SLC15A4: variants seen among roughly 807,000 people sequenced by gnomAD.
The protein encoded by SLC15A4 is hPHT1.
A neutral mutation model predicts 46.1 loss-of-function variants in SLC15A4; 26 were observed. The observed-to-expected ratio is 0.56, with a 90% CI of 0.41 to 0.78. The LOEUF (loss-of-function observed/expected upper bound fraction) is 0.78. Ranked by LOEUF, SLC15A4 falls within the 30% of genes least tolerant of loss-of-function variation. The pLI is 0.00. For synonymous variants in SLC15A4, 370 were observed against 333.4 expected (o/e 1.11, Z -1.20); for missense variants, 751 against 755.7 (o/e 0.99, Z 0.07).
chr12:128,803,443 T>C (rs10773577), intron 5 of SLC15A4, among the ~76,000 whole-genome samples: 150,983 of 152,314 alleles, frequency 0.99, 74,846 homozygotes, highest in Middle Eastern at 1. Context: ...CACAGTAAGC[T>C]GGGGGGAGAA....
intron 4 of SLC15A4, 26 bp downstream of exon 4, chr12:128,809,370 G>C (rs1246015366): frequency 6.8e-7 from 1 of 1,461,252 alleles, no homozygotes; most frequent in Non-Finnish European, 9.5e-7. Context: ...AAATAACAAT[G>C]TTCAGATCAT....
chr12:128,798,344 C>A (rs1955472225), intron 7 of SLC15A4, among the ~76,000 whole-genome samples: 1 of 152,142 alleles, frequency 6.6e-6, no homozygotes, highest in South Asian at 2.1e-4. Context: ...CTGAGCTGGC[C>A]ATGGAGGTGG....
intron 1 of SLC15A4, among the ~76,000 whole-genome samples, chr12:128,817,464 G>A (rs950171163): frequency 1.3e-5 from 2 of 152,164 alleles, no homozygotes; most frequent in East Asian, 3.8e-4. Context: ...ACTTAATAGA[G>A]GCACAAATGA....
intron 2 of SLC15A4, chr12:128,810,498 G>A (rs1955643169): frequency 1.0e-5 from 2 of 200,720 alleles, no homozygotes; most frequent in South Asian, 1.7e-4. Flanking sequence ...TATGCCACTG[G>A]ATAGCATATG....
intron 7 of SLC15A4, 40 bp from the exon 8 acceptor site, chr12:128,794,396 G>A (rs1223930536): frequency 4.5e-6 from 7 of 1,566,156 alleles, no homozygotes; most frequent in Admixed American, 2.0e-5. Flanking sequence ...AAGCTGCGCT[G>A]CTACAGGTAT....
At chr12:128,799,177 T>C in intron 7 of SLC15A4, 82 bp downstream of exon 7, 1 of 1,527,366 alleles carries the variant, frequency 6.5e-7, no homozygotes, top group Non-Finnish European at 8.9e-7. Context: ...TGAAAACACC[T>C]CCGCTCACTC....
At chr12:128,818,231 A>T (rs946161413) in intron 1 of SLC15A4, among the ~76,000 whole-genome samples, 4 of 152,066 alleles carry the variant, frequency 2.6e-5, no homozygotes, top group African/African-American at 9.7e-5. Context: ...CATGATTTAC[A>T]CGAACATACG....
intron 1 of SLC15A4, among the ~76,000 whole-genome samples, chr12:128,822,816 G>A (rs1216428028): frequency 1.6e-4 from 24 of 152,118 alleles, no homozygotes; most frequent in African/African-American, 5.8e-4. Flanking sequence ...GATTACAGGC[G>A]TGAGCCACTG....
intron 1 of SLC15A4, among the ~76,000 whole-genome samples, chr12:128,816,694 C>T (rs1157358218): frequency 6.6e-6 from 1 of 152,002 alleles, no homozygotes; most frequent in Non-Finnish European, 1.5e-5. Flanking sequence ...CAGCCAGGTG[C>T]GGTGGTGTGC....
In SLC15A4 at chr12:128,823,587, G is replaced by A. The variant is rs894617926; in HGVS notation, c.357C>T (p.Ala119=). Residue 119 remains alanine, a synonymous_variant, in exon 1 of 8, where the codon GCC becomes GCT. Transcript: ENST00000266771. ...TGGCGGGCGCGGCCAGCAGCGGGAA[G>A]GCCAGCATGCCCAGCAGGTAGAGCG... The part of the protein sequence containing the change: ...SLALYLLGML[A]FPLLAAPATR... 2.1e-6 allele frequency: 3 copies of A among 1,452,264 alleles called. No homozygotes were observed. Among genetic ancestry groups the A allele is most frequent in the Non-Finnish European group, 2.7e-6 (3 of 1,109,428 alleles). 90.0% of individuals were successfully genotyped at this position (1,452,264 alleles called of 1,614,324 possible).
At chr12:128,795,086 T>C (rs1375160944) in intron 7 of SLC15A4, among the ~76,000 whole-genome samples, 1 of 152,144 alleles carries the variant, frequency 6.6e-6, no homozygotes, top group Non-Finnish European at 1.5e-5. Context: ...TGAGCGTCTT[T>C]GTAACTTGGC....
chr12:128,818,826 G>A (rs1244583475), intron 1 of SLC15A4, among the ~76,000 whole-genome samples: 4 of 152,066 alleles, frequency 2.6e-5, no homozygotes, highest in Admixed American at 1.3e-4. Context: ...CTGTGGACTC[G>A]CCTCTTCCGG....
At chr12:128,807,527 G>C (rs1955604457) in intron 5 of SLC15A4, among the ~76,000 whole-genome samples, 1 of 152,200 alleles carries the variant, frequency 6.6e-6, no homozygotes, top group South Asian at 2.1e-4. Flanking sequence ...GCCCCGGGGG[G>C]AGAGAGAGGT....
chr12:128,823,378 CGCGCGGGG>C lies in SLC15A4; in HGVS notation c.546+12_546+19del. On this transcript the variant is annotated intron_variant, in intron 1 of 7. Coordinates refer to ENST00000266771, the MANE Select transcript of SLC15A4 (RefSeq NM_145648.4). ...AGGGGCTGGACAGGGACAGGGACAG[CGCGCGGGG>C]GCGCGGCTCACCTGGTCGGCGCCGA... The C allele has an allele frequency of 3.6e-6, 5 of 1,392,876 alleles. No individual in the cohort carries two copies. The highest frequency in any genetic ancestry group is 4.6e-6 in the Non-Finnish European group (5 of 1,079,532). The allele number at this position is 1,392,876 out of a possible 1,614,324, so 86.3% of individuals were successfully genotyped here.
intron 1 of SLC15A4, among the ~76,000 whole-genome samples, chr12:128,819,043 A>G (rs1955798091): frequency 6.6e-6 from 1 of 152,030 alleles, no homozygotes; most frequent in African/African-American, 2.4e-5. Context: ...AAATGTATAG[A>G]AAAGTTGAAT....
At position 128,810,123 on chromosome 12, in the gene SLC15A4, A is replaced by C; in HGVS notation, c.843-12T>G. 1 of 1,608,224 alleles carries C rather than the reference A, an allele frequency of 6.2e-7. No individual in the cohort carries two copies. The highest frequency in any genetic ancestry group is 8.5e-7 in the Non-Finnish European group (1 of 1,177,750). ...CTCCAATGCCTTCACTTTGGGAAAT[A>C]AAATGAAGGAATTAGTTTTCTTCCC... On this transcript the variant is annotated splice_polypyrimidine_tract_variant and intron_variant, in intron 2 of 7. Coordinates refer to ENST00000266771, the MANE Select transcript of SLC15A4 (RefSeq NM_145648.4).
rs1017328984 is a variant in SLC15A4 at position 128,823,568 on chromosome 12, G to A, written c.376C>T (p.Pro126Ser). Reference sequence around the variant, plus strand: ...CCGCAGAGCGCGGCTCGCGTGGCGGGCGCGGCCAGCAGCGGGAAGGCCAGC... The same window carrying A: ...CCGCAGAGCGCGGCTCGCGTGGCGGACGCGGCCAGCAGCGGGAAGGCCAGC... ...GMLAFPLLAA[P>S]ATRAALCGSA... Residue 126 changes from proline (P) to serine (S), a missense_variant, in exon 1 of 8, where the codon CCC (proline) becomes TCC (serine). Pro to Ser is a moderately conservative substitution (Grantham distance 74). Coordinates refer to ENST00000266771, the MANE Select transcript of SLC15A4 (RefSeq NM_145648.4). 3.5e-6 allele frequency: 5 copies of A among 1,441,994 alleles called. No individual in the cohort carries two copies. In the African/African-American group the frequency reaches 4.5e-5, roughly 13 times the overall value. The allele number at this position is 1,441,994 out of a possible 1,614,324, so 89.3% of individuals were successfully genotyped here. A position where few individuals can be genotyped will look rare whatever the true frequency, so the allele number is the denominator to read the frequency against.
intron 7 of SLC15A4, among the ~76,000 whole-genome samples, chr12:128,795,301 C>A (rs1406706110): frequency 6.6e-6 from 1 of 152,178 alleles, no homozygotes; most frequent in Non-Finnish European, 1.5e-5. Context: ...CTGACACAAG[C>A]AGATACCTCT....
chr12:128,794,141 C>T lies in SLC15A4; in HGVS notation c.*55G>A, dbSNP rs139448319. The T allele has an allele frequency of 2.0e-6, 3 of 1,524,398 alleles. No individual in the cohort carries two copies. Among genetic ancestry groups the T allele is most frequent in the Middle Eastern group, 1.7e-4 (1 of 5,742 alleles). 94.4% of individuals were successfully genotyped at this position (1,524,398 alleles called of 1,614,324 possible). On this transcript the variant is annotated 3_prime_UTR_variant, in exon 8 of 8. Transcript: ENST00000266771. ...TAAAGTCTTGCCTGTTCTCAGTGCA[C>T]CCCAGTCAGTTACTGACATGTCAGC...
Sources: gnomAD v4.1 joint callset for allele counts (sites outside exome capture counted in the v4.1 genomes callset) on GRCh38, gnomAD v4.1.1 for gene constraint, MANE v1.5 for transcripts, NCBI Gene and HGNC (gene_info 2026-07-23, HGNC 2026-07-21) for gene names.